PCDH11X: variants seen among roughly 807,000 people sequenced by gnomAD.
The protein encoded by PCDH11X is protocadherin-11 X-linked.
A neutral mutation model predicts 53.3 loss-of-function variants in PCDH11X; 18 were observed. That is an observed-to-expected ratio of 0.34 (90% CI 0.23 to 0.50). PCDH11X has a LOEUF of 0.50. Ranked by LOEUF, PCDH11X falls within the 20% of genes least tolerant of loss-of-function variation. PCDH11X has a pLI of 0.98. For synonymous variants in PCDH11X, 279 were observed against 393.3 expected (o/e 0.71, Z 3.44); for missense variants, 570 against 1,032.4 (o/e 0.55, Z 6.14).
rs755421834 is a variant in PCDH11X at position 92,206,534 on chromosome X, A to AT, written c.3114+5088dup. Among the ~76,000 whole-genome samples the AT allele has an allele frequency of 5.4e-3, 592 of 108,976 alleles. 6 individuals are homozygous for AT. Among genetic ancestry groups the AT allele is most frequent in the African/African-American group, 0.019 (556 of 30,020 alleles). 94.6% of individuals were successfully genotyped at this position (108,976 alleles called of 115,157 possible). ...TTTAAAAAATTTTTAATTTAATTTT[A>AT]TTTTTTTTTGAGATGGAGTTTTGCT... On this transcript the variant is annotated intron_variant, in intron 7 of 10. Coordinates refer to ENST00000682573, the MANE Select transcript of PCDH11X (RefSeq NM_032968.5).
chrX:92,292,498 A>G (rs1298577394), intron 8 of PCDH11X, among the ~76,000 whole-genome samples: 1 of 112,141 alleles, frequency 8.9e-6, no homozygotes, highest in African/African-American at 3.2e-5. Context: ...AGACTTTTAA[A>G]ATTAGGTATA....
intron 6 of PCDH11X, among the ~76,000 whole-genome samples, chrX:92,111,542 A>G (rs1378591637): frequency 1.4e-4 from 16 of 110,542 alleles, no homozygotes; most frequent in African/African-American, 4.3e-4. Context: ...AGAAAAATGT[A>G]TAGGAAATTT....
intron 6 of PCDH11X, among the ~76,000 whole-genome samples, chrX:92,090,587 C>A (rs1467571268): frequency 9.0e-6 from 1 of 110,815 alleles, no homozygotes; most frequent in Non-Finnish European, 1.9e-5. Context: ...GTGAAGGAGG[C>A]ATATATGGGA....
chrX:92,276,037 G>A (rs1431097348), intron 8 of PCDH11X, among the ~76,000 whole-genome samples: 3 of 110,265 alleles, frequency 2.7e-5, no homozygotes, highest in Non-Finnish European at 5.7e-5. Context: ...AAATATCTCA[G>A]CCTAATAAGG....
intron 8 of PCDH11X, among the ~76,000 whole-genome samples, chrX:92,341,130 T>A (rs1569469295): frequency 2.7e-5 from 3 of 111,758 alleles, no homozygotes; most frequent in African/African-American, 9.8e-5. Flanking sequence ...TGCTAAGACA[T>A]AACAAAAGTG....
chrX:92,345,943 T>C (rs1000168960), intron 8 of PCDH11X, among the ~76,000 whole-genome samples: 7 of 109,833 alleles, frequency 6.4e-5, no homozygotes, highest in South Asian at 3.8e-4. Flanking sequence ...GTAGCTAATA[T>C]AGCAAAAGAA....
intron 9 of PCDH11X, 48 bp from the exon 10 acceptor site, chrX:92,468,251 T>A (rs1325685933): frequency 2.9e-6 from 3 of 1,018,529 alleles, no homozygotes; most frequent in Non-Finnish European, 3.9e-6. Flanking sequence ...GTTGTAGAAA[T>A]AAGAGAAAAT....
chrX:92,202,134 A>G (rs951787554), intron 7 of PCDH11X, among the ~76,000 whole-genome samples: 16 of 111,486 alleles, frequency 1.4e-4, no homozygotes, highest in Non-Finnish European at 2.8e-4. Context: ...GCATGATTCC[A>G]AGGTTTGTGT....
At chrX:92,505,043 C>T (rs1471147679) in intron 10 of PCDH11X, among the ~76,000 whole-genome samples, 5 of 108,147 alleles carry the variant, frequency 4.6e-5, no homozygotes, top group African/African-American at 1.3e-4. Flanking sequence ...GTTCCTTATA[C>T]ATTCTGGATA....
chrX:91,832,880 G>A (rs1232044517), intron 4 of PCDH11X, among the ~76,000 whole-genome samples: 1 of 105,936 alleles, frequency 9.4e-6, no homozygotes, highest in African/African-American at 3.5e-5. Flanking sequence ...CTGAGTTCAG[G>A]GGTACAAGTG....
chrX:92,457,460 C>G (rs2072930716), intron 9 of PCDH11X, among the ~76,000 whole-genome samples: 2 of 106,759 alleles, frequency 1.9e-5, no homozygotes, highest in African/African-American at 6.8e-5. Context: ...GTCAGTAATT[C>G]ACTGTGATTA....
intron 6 of PCDH11X, among the ~76,000 whole-genome samples, chrX:91,999,095 T>G (rs1602648546): frequency 2.7e-5 from 3 of 109,236 alleles, no homozygotes; most frequent in African/African-American, 1.0e-4. Context: ...AAATTTTTTT[T>G]GTAAAGATGG....
At chrX:92,383,855 T>C (rs368397240) in intron 8 of PCDH11X, among the ~76,000 whole-genome samples, 2 of 111,979 alleles carry the variant, frequency 1.8e-5, no homozygotes, top group Middle Eastern at 4.6e-3. Context: ...ATGGGATGGC[T>C]GGGTCAAATG....
chrX:92,342,986 A>G (rs1169995730), intron 8 of PCDH11X, among the ~76,000 whole-genome samples: 1 of 112,570 alleles, frequency 8.9e-6, no homozygotes, highest in Non-Finnish European at 1.9e-5. Context: ...ACATTTTCCA[A>G]GAGAGATAGC....
rs773259192 is a variant in PCDH11X, at chrX:92,600,030, G to A, written c.3368-18234G>A. 7.1e-3 allele frequency among the ~76,000 whole-genome samples: 776 copies of A among 108,919 alleles called. 10 individuals carry two copies. Among genetic ancestry groups the A allele is most frequent in the African/African-American group, 0.025 (736 of 29,341 alleles). The allele number at this position is 108,919 out of a possible 115,157, so 94.6% of individuals were successfully genotyped here. On this transcript the variant is annotated intron_variant, in intron 10 of 10. Transcript: ENST00000682573. ...TTCTAAGCAGTAAAGCATTCAAGAG[G>A]TAACTTGGGTGCTCTTAAATGCATT...
intron 6 of PCDH11X, among the ~76,000 whole-genome samples, chrX:92,011,747 T>C (rs2062695361): frequency 9.0e-6 from 1 of 111,313 alleles, no homozygotes; most frequent in South Asian, 3.8e-4. Flanking sequence ...GAAGACAGAA[T>C]TGTTGATAAA....
At position 92,431,030 on chromosome X, in the gene PCDH11X, C is replaced by T. The variant is rs761166955; in HGVS notation, c.3344-37269C>T. On this transcript the variant is annotated intron_variant, in intron 9 of 10. Transcript: ENST00000682573. ...AAAGTGCAGCTTTACCTGCAGGAGG[C>T]ATTCTTCCTTTTCTTTTTTTAAAAG... Among the ~76,000 whole-genome samples the T allele has an allele frequency of 1.5e-4, 17 of 110,663 alleles. No individual in the cohort carries two copies. The East Asian group carries it at 1.7e-3, about 11-fold the overall frequency.
intron 5 of PCDH11X, among the ~76,000 whole-genome samples, chrX:91,855,898 G>A (rs1369845649): frequency 1.8e-5 from 2 of 111,522 alleles, no homozygotes; most frequent in Non-Finnish European, 3.8e-5. Context: ...TAGTTTTCTT[G>A]TGGAGTCTTT....
At chrX:92,443,931 G>A (rs1240703437) in intron 9 of PCDH11X, among the ~76,000 whole-genome samples, 1 of 110,263 alleles carries the variant, frequency 9.1e-6, no homozygotes, top group Non-Finnish European at 1.9e-5. Flanking sequence ...TTTTATTGTA[G>A]CCTCATAGTG....
Sources: allele counts gnomAD v4.1 joint callset (sites outside exome capture counted in the v4.1 genomes callset), GRCh38; gene constraint gnomAD v4.1.1; transcripts MANE v1.5; gene names NCBI Gene and HGNC (gene_info 2026-07-23, HGNC 2026-07-21).